Variants in MAGEE1 observed in about 807,000 individuals in gnomAD.
MAGEE1 encodes the protein melanoma-associated antigen E1.
MAGEE1 carries 3 observed loss-of-function variants against 12.0 expected under a neutral mutation model. The ratio of observed to expected loss-of-function variants is 0.25; its 90% CI spans 0.11 to 0.65. The LOEUF (loss-of-function observed/expected upper bound fraction) is 0.65. Among genes scored for constraint, MAGEE1 ranks in the 30% least tolerant of loss-of-function variants. MAGEE1 has a pLI of 0.84. For synonymous variants in MAGEE1, 414 were observed against 326.1 expected, an observed-to-expected ratio of 1.27 and a Z score of -2.91; for missense variants, 729 against 772.2, an observed-to-expected ratio of 0.94 and a Z score of 0.66.
rs1556839539 is a variant in MAGEE1 at position 76,428,961 on chromosome X, T to G, written c.1031T>G (p.Val344Gly). 8.3e-7 allele frequency: 1 copy of G among 1,210,625 alleles called. No individual in the cohort carries two copies. Among genetic ancestry groups the G allele is most frequent in the South Asian group, 1.8e-5 (1 of 57,050 alleles). ...GCCACTGAGGAGTTGAGCACCTCCG[T>G]GCCGCCCACTCCCGGTGAGGGACCA... ...PTATEELSTS[V>G]PPTPGEGPST... The change falls in exon 1 of 1, where the codon GTG (valine) becomes GGG (glycine). Residue 344 changes from valine (V) to glycine (G), a missense_variant. Coordinates refer to ENST00000361470, the MANE Select transcript of MAGEE1 (RefSeq NM_020932.3).
Position 76,429,203 on chromosome X carries a change from A to C in MAGEE1, c.1273A>C (p.Asn425His), listed in dbSNP as rs782687724. 5.8e-6 allele frequency: 7 copies of C among 1,210,911 alleles called. No homozygotes were observed. In the South Asian group the frequency reaches 1.2e-4, roughly 21 times the overall value. The stretch of plus-strand genomic sequence containing the variant: ...TAGCTCTAGTGCTTCTGTGGACCGG[A>C]ACCCCTCCAAGTGTTCCCTTGTTTT... ...LFSSSASVDR[N>H]PSKCSLVLPS... The change falls in exon 1 of 1, where the codon AAC becomes CAC. Residue 425 changes from asparagine (N) to histidine (H), a missense_variant. Physicochemically the swap from Asn to His is moderately conservative, Grantham distance 68. This residue lies in a region of MAGEE1 where 473 missense variants were observed against 423.7 expected (regional missense o/e 1.12). Transcript: ENST00000361470.
In MAGEE1 at chrX:76,430,573, G is replaced by A. The variant is rs781978777; in HGVS notation, c.2643G>A (p.Gln881=). The change falls in exon 1 of 1, where the codon CAG becomes CAA. Residue 881 remains glutamine (Q), a synonymous_variant. Coordinates refer to ENST00000361470, the MANE Select transcript of MAGEE1 (RefSeq NM_020932.3). ...KHVITCRYLS[Q]RYIDSLRVPD... is the part of the protein sequence containing the mutation. Reference sequence around the variant, plus strand: ...TGATTACCTGCAGATACTTGAGTCAGCGCTATATAGACAGTTTACGGGTTC... The same window carrying A: ...TGATTACCTGCAGATACTTGAGTCAACGCTATATAGACAGTTTACGGGTTC... The A allele has an allele frequency of 3.3e-6, 4 of 1,211,352 alleles. No individual in the cohort carries two copies. The highest frequency in any genetic ancestry group is 4.5e-6 in the Non-Finnish European group (4 of 895,391).
rs1183829954 is a variant in MAGEE1 at position 76,429,296 on chromosome X, C to T, written c.1366C>T (p.Pro456Ser). The T allele has an allele frequency of 2.5e-6, 3 of 1,209,490 alleles. No individual in the cohort carries two copies. The highest frequency in any genetic ancestry group is 2.3e-4 in the Middle Eastern group (1 of 4,374). The change falls in exon 1 of 1, where the codon CCT becomes TCT. Residue 456 changes from proline (P) to serine (S), a missense_variant. Coordinates refer to ENST00000361470, the MANE Select transcript of MAGEE1 (RefSeq NM_020932.3). ...TGAGGGTCCTAAGGGTGCAGAAGGCCCTATAGAATTCGAGGTCCTGAGAGA... is the reference window on the plus strand; with the variant it reads ...TGAGGGTCCTAAGGGTGCAGAAGGCTCTATAGAATTCGAGGTCCTGAGAGA... The part of the protein sequence containing the change: ...DSEGPKGAEG[P>S]IEFEVLRDCE...
Position 76,427,935 on chromosome X carries a change from C to T in MAGEE1, c.5C>T (p.Ser2Phe). Residue 2 changes from serine (S) to phenylalanine (F), a missense_variant, in exon 1 of 1, where the codon TCT (serine) becomes TTT (phenylalanine). Physicochemically the swap from Ser to Phe is radical, Grantham distance 155. This residue lies in a region of MAGEE1 where 473 missense variants were observed against 423.7 expected (regional missense o/e 1.12). Transcript: ENST00000361470. ...CCAACGCCGGTGGGCAGGACCATGT[C>T]TCTGGTAAGCCAGAATTCGCGCCGC... M[S>F]LVSQNSRRRR... 1 of 1,194,583 alleles carries T rather than the reference C, an allele frequency of 8.4e-7. No homozygotes were observed. The highest frequency in any genetic ancestry group is 1.1e-6 in the Non-Finnish European group (1 of 887,425).
rs782424605 is a variant in MAGEE1 at position 76,428,935 on chromosome X, C to T, written c.1005C>T (p.Thr335=). 1 of 1,207,187 alleles carries T rather than the reference C, an allele frequency of 8.3e-7. No individual in the cohort carries two copies. The highest frequency in any genetic ancestry group is 2.2e-5 in the Admixed American group (1 of 45,704). The change falls in exon 1 of 1, where the codon ACC becomes ACT. Residue 335 remains threonine (T), a synonymous_variant. Transcript: ENST00000361470. ...GACTGAGCACCTCCGTGCCGCCCAC[C>T]GCCACTGAGGAGTTGAGCACCTCCG... ...GGGLSTSVPP[T]ATEELSTSVP... is the part of the protein sequence containing the mutation.
In MAGEE1 at chrX:76,429,506, C is replaced by T. The variant is rs782500356; in HGVS notation, c.1576C>T (p.Arg526Cys). 11 of 1,211,514 alleles carry T rather than the reference C, an allele frequency of 9.1e-6. 1 individual carries two copies. The highest frequency in any genetic ancestry group is 1.1e-5 in the Non-Finnish European group (10 of 895,519). Residue 526 changes from arginine (R) to cysteine (C), a missense_variant, in exon 1 of 1, where the codon CGC becomes TGC. This residue lies in a region of MAGEE1 where 91 missense variants were observed against 133.8 expected (regional missense o/e 0.68). Coordinates refer to ENST00000361470, the MANE Select transcript of MAGEE1 (RefSeq NM_020932.3). ...EMREYIVKEY[R>C]NQFPEILRRA... The stretch of plus-strand genomic sequence containing the variant: ...GCGGGAATATATTGTTAAAGAATAT[C>T]GCAACCAGTTTCCTGAGATACTCAG...
chrX:76,429,634 C>G lies in MAGEE1; in HGVS notation c.1704C>G (p.Pro568=). The part of the protein sequence containing the change: ...YILLNKLGPV[P]FEGLEESPNG... ...TGTTAAACAAACTGGGACCTGTGCC[C>G]TTTGAAGGGTTAGAAGAGAGCCCAA... The change falls in exon 1 of 1, where the codon CCC becomes CCG. Residue 568 remains proline, a synonymous_variant. Coordinates refer to ENST00000361470, the MANE Select transcript of MAGEE1 (RefSeq NM_020932.3). 8.3e-7 allele frequency: 1 copy of G among 1,210,373 alleles called. No homozygotes were observed. The highest frequency in any genetic ancestry group is 1.1e-6 in the Non-Finnish European group (1 of 894,961).
chrX:76,428,092 C>G lies in MAGEE1; in HGVS notation c.162C>G (p.Ile54Met), dbSNP rs1199527402. ...CCCAGGGTCCCAGCGATTCCCAGAT[C>G]CTCCAGGGCCTCTGCGCCTCTGAGG... ...DVPQGPSDSQ[I>M]LQGLCASEGP... The change falls in exon 1 of 1, where the codon ATC becomes ATG. Residue 54 changes from isoleucine (I) to methionine (M), a missense_variant. Physicochemically the swap from Ile to Met is conservative, Grantham distance 10. This residue lies in a region of MAGEE1 where 473 missense variants were observed against 423.7 expected (regional missense o/e 1.12). Transcript: ENST00000361470. 2 of 1,181,211 alleles carry G rather than the reference C, an allele frequency of 1.7e-6. No individual in the cohort carries two copies. Among genetic ancestry groups the G allele is most frequent in the Non-Finnish European group, 2.3e-6 (2 of 880,451 alleles).
At position 76,428,827 on chromosome X, in the gene MAGEE1, C is replaced by G; in HGVS notation, c.897C>G (p.Thr299=). The G allele has an allele frequency of 8.3e-7, 1 of 1,208,702 alleles. No individual in the cohort carries two copies. The highest frequency in any genetic ancestry group is 1.8e-5 in the South Asian group (1 of 56,814). The stretch of plus-strand genomic sequence containing the variant: ...GATCAAGCACCTCCGTGCCCCCCAC[C>G]GCCACCGAGGGCCTGAGCACCTCCG... ...GKGSSTSVPP[T]ATEGLSTSVQ... Residue 299 remains threonine, a synonymous_variant, in exon 1 of 1, where the codon ACC becomes ACG. Coordinates refer to ENST00000361470, the MANE Select transcript of MAGEE1 (RefSeq NM_020932.3).
At position 76,430,592 on chromosome X, in the gene MAGEE1, C is replaced by T. The variant is rs1446816232; in HGVS notation, c.2662C>T (p.Arg888Trp). The T allele has an allele frequency of 4.1e-6, 5 of 1,209,488 alleles. No homozygotes were observed. The highest frequency in any genetic ancestry group is 3.4e-6 in the Non-Finnish European group (3 of 895,113). ...YLSQRYIDSLRVPDSDPVQYE... is the reference protein window; with the variant it reads ...YLSQRYIDSLWVPDSDPVQYE... The stretch of plus-strand genomic sequence containing the variant: ...GAGTCAGCGCTATATAGACAGTTTA[C>T]GGGTTCCTGACAGTGATCCAGTGCA... Residue 888 changes from arginine (R) to tryptophan (W), a missense_variant, in exon 1 of 1, where the codon CGG becomes TGG. Around this residue, in one of 4 missense-constraint regions of MAGEE1, gnomAD observed 101 missense variants for 161.3 expected, o/e 0.63. Coordinates refer to ENST00000361470, the MANE Select transcript of MAGEE1 (RefSeq NM_020932.3).
Position 76,428,044 on chromosome X carries a change from T to G in MAGEE1, c.114T>G (p.Ala38=). The part of the protein sequence containing the change: ...MQAPNAPGLP[A]DVPGSDVPQG... The stretch of plus-strand genomic sequence containing the variant: ...CCCCTAATGCCCCCGGTCTCCCCGC[T>G]GATGTGCCAGGCTCAGACGTCCCCC... The change falls in exon 1 of 1, where the codon GCT becomes GCG. Residue 38 remains alanine, a synonymous_variant. Transcript: ENST00000361470. The G allele has an allele frequency of 8.4e-7, 1 of 1,185,278 alleles. No individual in the cohort carries two copies. Among genetic ancestry groups the G allele is most frequent in the Non-Finnish European group, 1.1e-6 (1 of 882,071 alleles).
At position 76,427,927 on chromosome X, in the gene MAGEE1, G is replaced by A. The variant is rs41307357; in HGVS notation, c.-4G>A. On this transcript the variant is annotated 5_prime_UTR_variant, in exon 1 of 1. Transcript: ENST00000361470. Reference sequence around the variant, plus strand: ...CCTACACGCCAACGCCGGTGGGCAGGACCATGTCTCTGGTAAGCCAGAATT... The same window carrying A: ...CCTACACGCCAACGCCGGTGGGCAGAACCATGTCTCTGGTAAGCCAGAATT... 7.2e-4 allele frequency: 856 copies of A among 1,190,113 alleles called. No homozygotes were observed. The highest frequency in any genetic ancestry group is 9.0e-4 in the Non-Finnish European group (800 of 885,562).
chrX:76,430,700 A>C lies in MAGEE1; in HGVS notation c.2770A>C (p.Lys924Gln), dbSNP rs1359862398. The change falls in exon 1 of 1, where the codon AAG (lysine) becomes CAG (glutamine). Residue 924 changes from lysine to glutamine, a missense_variant. Coordinates refer to ENST00000361470, the MANE Select transcript of MAGEE1 (RefSeq NM_020932.3). ...GCGATATGTGGCCAGAATCCACAGAAAGGAACCACAGGACTGGCCACAGCA... is the reference window on the plus strand; with the variant it reads ...GCGATATGTGGCCAGAATCCACAGACAGGAACCACAGGACTGGCCACAGCA... ...ALRYVARIHR[K>Q]EPQDWPQQYR... is the part of the protein sequence containing the mutation. 1 of 1,209,453 alleles carries C rather than the reference A, an allele frequency of 8.3e-7. No homozygotes were observed. Among genetic ancestry groups the C allele is most frequent in the Admixed American group, 2.2e-5 (1 of 45,650 alleles).
chrX:76,429,864 A>C lies in MAGEE1; in HGVS notation c.1934A>C (p.Asp645Ala). The C allele has an allele frequency of 8.3e-7, 1 of 1,211,733 alleles. No homozygotes were observed. The highest frequency in any genetic ancestry group is 1.1e-6 in the Non-Finnish European group (1 of 895,475). ...QRYLDYRPVTDCKPVEYEFFW... is the reference protein window; with the variant it reads ...QRYLDYRPVTACKPVEYEFFW... ...TACTTAGACTACAGGCCAGTAACTG[A>C]CTGTAAACCAGTGGAGTATGAGTTT... The change falls in exon 1 of 1, where the codon GAC becomes GCC. Residue 645 changes from aspartate to alanine, a missense_variant. By Grantham distance (126) the Asp-to-Ala change is moderately radical. This residue lies in a region of MAGEE1 where 91 missense variants were observed against 133.8 expected (regional missense o/e 0.68). Transcript: ENST00000361470.
rs781898687 is a variant in MAGEE1 at position 76,430,850 on chromosome X, A to T, written c.*46A>T. 26 of 492,897 alleles carry T rather than the reference A, an allele frequency of 5.3e-5. No homozygotes were observed. Among genetic ancestry groups the T allele is most frequent in the Non-Finnish European group, 7.3e-5 (26 of 355,304 alleles). The allele number at this position is 492,897 out of a possible 1,213,427, so 40.6% of individuals were successfully genotyped here. On this transcript the variant is annotated 3_prime_UTR_variant, in exon 1 of 1. Transcript: ENST00000361470. ...GGGGCCTTGCAAGGAGGGGCCTTTG[A>T]GCCTCAGTTCTCATGTATTGGGGGG...
rs1556839210 is a variant in MAGEE1 at position 76,428,369 on chromosome X, G to A, written c.439G>A (p.Glu147Lys). ...CTCCAGGCCGCCCACTTCCTCTGAG[G>A]AACCTAGCACCTCCGTGCCGCCCAC... is the stretch of plus-strand genomic sequence containing the variant. The part of the protein sequence containing the change: ...NTSRPPTSSE[E>K]PSTSVPPTAS... The change falls in exon 1 of 1, where the codon GAA (glutamate) becomes AAA (lysine). Residue 147 changes from glutamate to lysine, a missense_variant. By Grantham distance (56) the Glu-to-Lys change is moderately conservative (BLOSUM62 1). Around this residue, in one of 4 missense-constraint regions of MAGEE1, gnomAD observed 473 missense variants for 423.7 expected, o/e 1.12. Transcript: ENST00000361470. The A allele has an allele frequency of 1.7e-6, 2 of 1,212,056 alleles. No individual in the cohort carries two copies. The highest frequency in any genetic ancestry group is 3.0e-5 in the East Asian group (1 of 33,856).
rs781862395 is a variant in MAGEE1, at chrX:76,429,439, G to A, written c.1509G>A (p.Leu503=). ...QNVAELLQFL[L]VKDQSKYPIR... ...TAGCTGAGCTGTTGCAGTTCCTGCT[G>A]GTGAAGGATCAGAGCAAGTACCCTA... The change falls in exon 1 of 1, where the codon CTG becomes CTA. Residue 503 remains leucine (L), a synonymous_variant. Coordinates refer to ENST00000361470, the MANE Select transcript of MAGEE1 (RefSeq NM_020932.3). 5 of 1,212,050 alleles carry A rather than the reference G, an allele frequency of 4.1e-6. No homozygotes were observed. The highest frequency in any genetic ancestry group is 3.5e-5 in the South Asian group (2 of 57,014).
chrX:76,428,509 T>A lies in MAGEE1; in HGVS notation c.579T>A (p.Asp193Glu). 1 of 1,209,751 alleles carries A rather than the reference T, an allele frequency of 8.3e-7. No homozygotes were observed. Among genetic ancestry groups the A allele is most frequent in the South Asian group, 1.8e-5 (1 of 56,942 alleles). Residue 193 changes from aspartate to glutamate, a missense_variant, in exon 1 of 1, where the codon GAT (aspartate) becomes GAA (glutamate). Asp to Glu is a conservative substitution (Grantham distance 45, BLOSUM62 2). Coordinates refer to ENST00000361470, the MANE Select transcript of MAGEE1 (RefSeq NM_020932.3). ...GCACCTCCGTGGTGCCCACCCCTGA[T>A]GAGGGACCAAGCACCTCCGTGCTGC... The part of the protein sequence containing the change: ...GPSTSVVPTP[D>E]EGPSTSVLPT...
In MAGEE1 at chrX:76,428,634, C is replaced by T; in HGVS notation, c.704C>T (p.Ser235Phe). Residue 235 changes from serine (S) to phenylalanine (F), a missense_variant, in exon 1 of 1, where the codon TCC becomes TTC. By Grantham distance (155) the Ser-to-Phe change is radical. Around this residue, in one of 4 missense-constraint regions of MAGEE1, gnomAD observed 473 missense variants for 423.7 expected, o/e 1.12. Coordinates refer to ENST00000361470, the MANE Select transcript of MAGEE1 (RefSeq NM_020932.3). ...ACTCCTGATGAGGGACCGAGCACCTCCGTGCCGCCCACCGCCACTGAGGGC... is the reference window on the plus strand; with the variant it reads ...ACTCCTGATGAGGGACCGAGCACCTTCGTGCCGCCCACCGCCACTGAGGGC... ...QATPDEGPST[S>F]VPPTATEGLS... 1 of 1,208,327 alleles carries T rather than the reference C, an allele frequency of 8.3e-7. No individual in the cohort carries two copies. Among genetic ancestry groups the T allele is most frequent in the African/African-American group, 1.7e-5 (1 of 57,699 alleles).
Sources: allele counts gnomAD v4.1 joint callset, GRCh38; gene constraint gnomAD v4.1.1; regional missense constraint gnomAD v4.1.1; transcripts MANE v1.5; gene names NCBI Gene and HGNC (gene_info 2026-07-23, HGNC 2026-07-21).